The following ILRUN variants were observed in gnomAD, a reference collection of about 807,000 sequenced individuals.
The protein encoded by ILRUN is protein ILRUN.
In ILRUN, 3 loss-of-function variants were observed where a neutral mutation model predicts 33.8. That is an observed-to-expected ratio of 0.09 (90% confidence interval 0.04 to 0.23). ILRUN has a LOEUF of 0.23. Ranked by LOEUF, ILRUN falls within the 10% of genes least tolerant of loss-of-function variation. ILRUN has a pLI of 1.00. For missense variants in ILRUN, 210 were observed against 375.1 expected, an observed-to-expected ratio of 0.56 and a Z score of 3.64; for synonymous variants, 124 against 138.9, an observed-to-expected ratio of 0.89 and a Z score of 0.75.
At chr6:34,629,797 T>C (rs1462214357) in intron 3 of ILRUN, among the ~76,000 whole-genome samples, 1 of 152,236 alleles carries the variant, frequency 6.6e-6, no homozygotes, top group Non-Finnish European at 1.5e-5. Flanking sequence ...TATGTGTGTA[T>C]GTTACGCCTT....
At chr6:34,599,107 C>G (rs1378926885) in intron 4 of ILRUN, among the ~76,000 whole-genome samples, 1 of 152,232 alleles carries the variant, frequency 6.6e-6, no homozygotes, top group East Asian at 1.9e-4. Context: ...TGCCAGCAAC[C>G]TCACTGTAGT....
intron 1 of ILRUN, among the ~76,000 whole-genome samples, chr6:34,683,419 CAT>C (rs1160051318): frequency 4.6e-4 from 36 of 78,570 alleles, no homozygotes; most frequent in South Asian, 6.1e-4. Flanking sequence ...TATATATATA[CAT>C]ATATATACAT....
intron 3 of ILRUN, among the ~76,000 whole-genome samples, chr6:34,640,117 T>C (rs1762439818): frequency 6.6e-6 from 1 of 152,116 alleles, no homozygotes; most frequent in Non-Finnish European, 1.5e-5. Flanking sequence ...TACTTATTAG[T>C]CTTGGACCAA....
At chr6:34,616,769 G>C in intron 3 of ILRUN, 5 of 699,394 alleles carry the variant, frequency 7.1e-6, no homozygotes, top group Non-Finnish European at 1.3e-5. Context: ...TGTACCTGCA[G>C]AACTCAAATT....
intron 3 of ILRUN, among the ~76,000 whole-genome samples, chr6:34,639,642 A>T (rs1221780569): frequency 6.6e-6 from 1 of 152,050 alleles, no homozygotes; most frequent in Admixed American, 6.6e-5. Flanking sequence ...CTCAATGCCC[A>T]CTCACTCTGG....
At position 34,683,499 on chromosome 6, in the gene ILRUN, C is replaced by CAT. The variant is rs769656862; in HGVS notation, c.158+12945_158+12946dup. Among the ~76,000 whole-genome samples the CAT allele has an allele frequency of 5.5e-3, 467 of 84,504 alleles. 3 individuals carry two copies. Among genetic ancestry groups the CAT allele is most frequent in the East Asian group, 0.02 (46 of 2,254 alleles). 55.4% of individuals were successfully genotyped at this position (84,504 alleles called of 152,430 possible). ...ACATATATATATACATATATATATA[C>CAT]ATATATATATATATACATATATATA... On this transcript the variant is annotated intron_variant, in intron 1 of 4. Transcript: ENST00000374023.
rs374617090 is a variant in ILRUN at position 34,595,852 on chromosome 6, G to A, written c.862-5252C>T. ...CTTGGTGTATACTGATGGCATTATC[G>A]GATAACACCATGAGGACCCTCCTCT... On this transcript the variant is annotated intron_variant, in intron 4 of 4. Transcript: ENST00000374023. 3.7e-5 allele frequency: 36 copies of A among 985,218 alleles called. 1 individual carries two copies. Among genetic ancestry groups the A allele is most frequent in the South Asian group, 1.4e-4 (3 of 21,288 alleles). 61.0% of individuals were successfully genotyped at this position (985,218 alleles called of 1,614,324 possible). A position where few individuals can be genotyped will look rare whatever the true frequency, so the allele number is the denominator to read the frequency against.
At chr6:34,594,198 T>A (rs1255080694) in intron 4 of ILRUN, among the ~76,000 whole-genome samples, 1 of 152,208 alleles carries the variant, frequency 6.6e-6, no homozygotes, top group African/African-American at 2.4e-5. Context: ...CTCTTACACT[T>A]GTACCACTAC....
intron 3 of ILRUN, among the ~76,000 whole-genome samples, chr6:34,637,473 T>C (rs536040983): frequency 7.9e-5 from 12 of 152,336 alleles, no homozygotes; most frequent in African/African-American, 2.6e-4. Flanking sequence ...AGCTTCTGTT[T>C]AACAGAAGGG....
At chr6:34,611,314 G>C (rs1761748814) in intron 3 of ILRUN, among the ~76,000 whole-genome samples, 1 of 151,890 alleles carries the variant, frequency 6.6e-6, no homozygotes, top group Non-Finnish European at 1.5e-5. Context: ...CTTTGCGTTG[G>C]CTATTGCTCA....
chr6:34,695,073 T>G (rs1283714920), intron 1 of ILRUN, among the ~76,000 whole-genome samples: 1 of 147,716 alleles, frequency 6.8e-6, no homozygotes, highest in South Asian at 2.2e-4. Context: ...AAAAAAAAAT[T>G]TACACATTAC....
intron 3 of ILRUN, among the ~76,000 whole-genome samples, chr6:34,611,016 T>C (rs1013801130): frequency 2.0e-5 from 3 of 151,632 alleles, no homozygotes; most frequent in Non-Finnish European, 4.4e-5. Context: ...TTTGAGACCA[T>C]TCTGGGCAAC....
intron 1 of ILRUN, among the ~76,000 whole-genome samples, chr6:34,679,269 T>G (rs1382042448): frequency 6.6e-6 from 1 of 152,168 alleles, no homozygotes; most frequent in African/African-American, 2.4e-5. Flanking sequence ...AAATACTCAC[T>G]TGTTACGGTA....
intron 1 of ILRUN, among the ~76,000 whole-genome samples, chr6:34,685,075 T>C (rs1763485448): frequency 6.6e-6 from 1 of 152,200 alleles, no homozygotes; most frequent in Non-Finnish European, 1.5e-5. Context: ...ATTTGGACTA[T>C]GCCTATGTTA....
intron 4 of ILRUN, among the ~76,000 whole-genome samples, chr6:34,596,429 G>A (rs928463249): frequency 1.3e-5 from 2 of 152,120 alleles, no homozygotes; most frequent in African/African-American, 4.8e-5. Context: ...CAATTCTCCT[G>A]CCTCAGCCTC....
intron 1 of ILRUN, among the ~76,000 whole-genome samples, chr6:34,670,894 A>C (rs1763104396): frequency 6.6e-6 from 1 of 151,264 alleles, no homozygotes; most frequent in African/African-American, 2.4e-5. Flanking sequence ...TGATATACAC[A>C]CCCCCTAAAA....
intron 1 of ILRUN, among the ~76,000 whole-genome samples, chr6:34,672,468 T>G (rs1224050811): frequency 6.6e-6 from 1 of 151,866 alleles, no homozygotes; most frequent in Non-Finnish European, 1.5e-5. Flanking sequence ...AATCCCAGCA[T>G]TTTGGGAGGC....
chr6:34,692,629 ATGTT>A (rs1479744081), intron 1 of ILRUN, among the ~76,000 whole-genome samples: 1 of 152,082 alleles, frequency 6.6e-6, no homozygotes, highest in African/African-American at 2.4e-5. Context: ...ATTATGATGG[ATGTT>A]TGTTTGAAAA....
At chr6:34,632,610 G>A (rs1176077158) in intron 3 of ILRUN, among the ~76,000 whole-genome samples, 1 of 147,982 alleles carries the variant, frequency 6.8e-6, no homozygotes, top group East Asian at 2.0e-4. Flanking sequence ...CTGCCTCCTG[G>A]GTTCATGCCA....
Sources: allele counts gnomAD v4.1 joint callset (sites outside exome capture counted in the v4.1 genomes callset), GRCh38; gene constraint gnomAD v4.1.1; transcripts MANE v1.5; gene names NCBI Gene and HGNC (gene_info 2026-07-23, HGNC 2026-07-21).